TSHZ3: variants seen among roughly 807,000 people sequenced by gnomAD.
TSHZ3 encodes teashirt homolog 3.
Under a neutral mutation model 64.5 loss-of-function variants are expected in TSHZ3, and 10 were observed. That is an observed-to-expected ratio of 0.16 (90% CI 0.10 to 0.26). The LOEUF (loss-of-function observed/expected upper bound fraction) is 0.26. Among genes scored for constraint, TSHZ3 ranks in the 10% least tolerant of loss-of-function variants. TSHZ3 has a pLI of 1.00. For missense variants in TSHZ3, 1,242 were observed against 1,421.7 expected, an observed-to-expected ratio of 0.87 and a Z score of 2.03; for synonymous variants, 608 against 593.1, an observed-to-expected ratio of 1.03 and a Z score of -0.36.
intron 6 of TSHZ3, among the ~76,000 whole-genome samples, chr19:31,154,190 C>T (rs937716855): frequency 2.6e-5 from 4 of 152,306 alleles, no homozygotes; most frequent in East Asian, 1.9e-4. Flanking sequence ...GAGCCCCACC[C>T]GTAGGTGCCT....
chr19:31,338,823 C>G, intron 1 of TSHZ3, among the ~76,000 whole-genome samples: 1 of 146,196 alleles, frequency 6.8e-6, no homozygotes, highest in East Asian at 2.0e-4. Flanking sequence ...TCTTTTTTTT[C>G]TTTCTTTCTT....
intron 1 of TSHZ3, among the ~76,000 whole-genome samples, chr19:31,252,359 T>C (rs1351185684): frequency 1.3e-5 from 2 of 152,140 alleles, no homozygotes. Context: ...TAAGGACACA[T>C]GTCATCAAAG....
At chr19:31,266,966 A>G (rs891995486) in intron 1 of TSHZ3, among the ~76,000 whole-genome samples, 1 of 152,174 alleles carries the variant, frequency 6.6e-6, no homozygotes, top group African/African-American at 2.4e-5. Context: ...TGTCCGGCCC[A>G]AGGAAGTGCT....
chr19:31,179,270 G>C (rs567703877), intron 5 of TSHZ3, among the ~76,000 whole-genome samples: 1 of 152,304 alleles, frequency 6.6e-6, no homozygotes, highest in African/African-American at 2.4e-5. Context: ...CCCAGAGAGA[G>C]CTGTCCAGTG....
chr19:31,173,436 C>T (rs1221778598), intron 5 of TSHZ3, among the ~76,000 whole-genome samples: 1 of 152,148 alleles, frequency 6.6e-6, no homozygotes, highest in East Asian at 1.9e-4. Context: ...GTACAAAAGA[C>T]TATACTGCAC....
chr19:31,196,004 C>T (rs1221290234), intron 5 of TSHZ3, among the ~76,000 whole-genome samples: 2 of 151,848 alleles, frequency 1.3e-5, no homozygotes, highest in Non-Finnish European at 2.9e-5. Flanking sequence ...TTGCTTCTAA[C>T]CTACAATTCT....
chr19:31,298,629 TGG>T (rs971393511), intron 1 of TSHZ3, among the ~76,000 whole-genome samples: 2 of 152,086 alleles, frequency 1.3e-5, no homozygotes, highest in Non-Finnish European at 2.9e-5. Flanking sequence ...CTTGCACTCC[TGG>T]GGGTACCTTC....
intron 1 of TSHZ3, among the ~76,000 whole-genome samples, chr19:31,327,946 G>A (rs962640114): frequency 2.0e-5 from 3 of 152,118 alleles, no homozygotes; most frequent in Non-Finnish European, 2.9e-5. Flanking sequence ...CCAATACATC[G>A]GCTGTCAGAT....
intron 5 of TSHZ3, chr19:31,195,478 A>G (rs1322339104): frequency 1.3e-5 from 2 of 152,128 alleles, no homozygotes; most frequent in Non-Finnish European, 2.9e-5. Context: ...AACATCTTAA[A>G]ATTCTGTACC....
rs770320228 is a variant in TSHZ3 at position 31,278,956 on chromosome 19, G to C, written c.837C>G (p.Tyr279Ter). Residue 279 changes from tyrosine to a stop codon, truncating the protein, a stop_gained, in exon 2 of 2, where the codon TAC becomes TAG. Coordinates refer to ENST00000240587, the MANE Select transcript of TSHZ3 (RefSeq NM_020856.4). LOFTEE classifies it high-confidence loss of function. This position sits in a 1 kb window ranked among gnomAD's most constrained non-coding sequence, Gnocchi z 4.7. ...GCAGGGACTCAAAGGAGTGGCCACA[G>C]TACATGCACTTCAGCACCTTCTGGG... The part of the protein sequence containing the change: ...EDAQKVLKCM[Y>*]CGHSFESLQD... 6.2e-7 allele frequency: 1 copy of C among 1,614,162 alleles called. No homozygotes were observed. The highest frequency in any genetic ancestry group is 8.5e-7 in the Non-Finnish European group (1 of 1,180,042).
At chr19:31,150,126 C>T (rs544289657) in exon 7 of TSHZ3, among the ~76,000 whole-genome samples, 14 of 151,384 alleles carry the variant, frequency 9.2e-5, no homozygotes, top group African/African-American at 3.4e-4. Context: ...CTTTTGCATG[C>T]AAAATGTGAT....
chr19:31,183,077 A>G (rs560341624), intron 5 of TSHZ3, among the ~76,000 whole-genome samples: 1 of 152,200 alleles, frequency 6.6e-6, no homozygotes, highest in African/African-American at 2.4e-5. Context: ...TTTGGATCTG[A>G]ACTACAACAT....
intron 1 of TSHZ3, among the ~76,000 whole-genome samples, chr19:31,310,920 T>A (rs1341294158): frequency 6.6e-6 from 1 of 152,210 alleles, no homozygotes; most frequent in East Asian, 1.9e-4. Context: ...ATTCCTGCAG[T>A]GACAAGGCCA....
intron 5 of TSHZ3, among the ~76,000 whole-genome samples, chr19:31,185,120 AGG>A (rs1444460554): frequency 6.6e-6 from 1 of 151,244 alleles, no homozygotes; most frequent in African/African-American, 2.4e-5. Flanking sequence ...AAAAAACACA[AGG>A]GGAATAGAAA....
chr19:31,282,747 G>A (rs905539210), intron 1 of TSHZ3, among the ~76,000 whole-genome samples: 2 of 152,108 alleles, frequency 1.3e-5, no homozygotes, highest in Non-Finnish European at 2.9e-5. Flanking sequence ...AATATGGAAA[G>A]AAAAGGCCAA....
intron 5 of TSHZ3, among the ~76,000 whole-genome samples, chr19:31,202,859 T>C (rs753117065): frequency 7.9e-5 from 12 of 152,192 alleles, no homozygotes; most frequent in Non-Finnish European, 1.6e-4. Context: ...AATTCATTTG[T>C]TCATGCAACA....
chr19:31,221,430 T>C (rs1315786751), intron 4 of TSHZ3, among the ~76,000 whole-genome samples: 1 of 152,190 alleles, frequency 6.6e-6, no homozygotes, highest in African/African-American at 2.4e-5. Context: ...CCAACATGGA[T>C]GTGCAGTTCT....
intron 4 of TSHZ3, among the ~76,000 whole-genome samples, chr19:31,218,359 A>G (rs1379768940): frequency 6.6e-6 from 1 of 152,238 alleles, no homozygotes; most frequent in African/African-American, 2.4e-5. Flanking sequence ...AGATGCCACC[A>G]CACATCTATT....
At position 31,330,708 on chromosome 19, in the gene TSHZ3, G is replaced by A. The variant is rs903932; in HGVS notation, c.40+18472C>T. Among the ~76,000 whole-genome samples, 209 of 148,328 alleles carry A rather than the reference G, an allele frequency of 1.4e-3. 2 individuals carry two copies. Among genetic ancestry groups the A allele is most frequent in the African/African-American group, 4.8e-3 (195 of 40,258 alleles). ...GAGCCAAGTGCTGTTTAATCCTTGG[G>A]CGGGGGGAGGAAAGTCCAGAACACC... On this transcript the variant is annotated intron_variant, in intron 1 of 1. Transcript: ENST00000240587.
Sources: allele counts gnomAD v4.1 joint callset (sites outside exome capture counted in the v4.1 genomes callset), GRCh38; gene constraint gnomAD v4.1.1; non-coding constraint Gnocchi (gnomAD v3.1); transcripts MANE v1.5; gene names NCBI Gene and HGNC (gene_info 2026-07-23, HGNC 2026-07-21).